The following SEMA3A variants were observed in gnomAD, a reference collection of about 807,000 sequenced individuals.
SEMA3A encodes semaphorin-3A.
A neutral mutation model predicts 97.9 loss-of-function variants in SEMA3A; 29 were observed. That is an observed-to-expected ratio of 0.30 (90% confidence interval 0.22 to 0.40). SEMA3A has a LOEUF of 0.40. SEMA3A is among the 10% of genes least tolerant of loss of function. The probability of loss-of-function intolerance (pLI) is 1.00; values close to 1 mark genes in which losing one functional copy is unlikely to be tolerated. For missense variants in SEMA3A, 763 were observed against 951.3 expected, an observed-to-expected ratio of 0.80 and a Z score of 2.60; for synonymous variants, 321 against 323.7, an observed-to-expected ratio of 0.99 and a Z score of 0.09.
intron 11 of SEMA3A, among the ~76,000 whole-genome samples, chr7:84,002,399 AT>A (rs1790496734): frequency 2.0e-5 from 3 of 152,204 alleles, no homozygotes; most frequent in Admixed American, 6.6e-5. Context: ...ATTTCTAAAA[AT>A]ATCTCCTTAA....
intron 5 of SEMA3A, among the ~76,000 whole-genome samples, chr7:84,055,988 G>T (rs984757983): frequency 3.9e-5 from 6 of 152,108 alleles, no homozygotes; most frequent in Non-Finnish European, 8.8e-5. Context: ...TTAAAAGGTG[G>T]TTGTGAATAC....
At chr7:83,972,882 G>C (rs573193361) in intron 15 of SEMA3A, among the ~76,000 whole-genome samples, 2 of 152,052 alleles carry the variant, frequency 1.3e-5, no homozygotes, top group African/African-American at 4.8e-5. Context: ...TTTTTCCTCA[G>C]CAGAAGACAA....
chr7:84,168,469 C>T (rs1365268797), intron 1 of SEMA3A, among the ~76,000 whole-genome samples: 1 of 151,860 alleles, frequency 6.6e-6, no homozygotes, highest in Non-Finnish European at 1.5e-5. Context: ...ACATGAAAAA[C>T]AGCTAGGTTT....
At chr7:84,095,264 C>T (rs1794725251) in intron 4 of SEMA3A, among the ~76,000 whole-genome samples, 1 of 56,724 alleles carries the variant, frequency 1.8e-5, no homozygotes, top group Non-Finnish European at 5.7e-5. Flanking sequence ...TTATTATATA[C>T]CATTATTATG....
At chr7:84,150,513 G>T (rs1011389941) in intron 1 of SEMA3A, among the ~76,000 whole-genome samples, 1 of 152,178 alleles carries the variant, frequency 6.6e-6, no homozygotes, top group Non-Finnish European at 1.5e-5. Context: ...ACTCCCACCC[G>T]AATACTGTGC....
At chr7:83,979,614 T>A (rs778312026) in intron 14 of SEMA3A, among the ~76,000 whole-genome samples, 3 of 152,184 alleles carry the variant, frequency 2.0e-5, no homozygotes, top group Non-Finnish European at 2.9e-5. Context: ...TATTTTAAAT[T>A]TGAAATTTCG....
At chr7:84,295,226 G>C (rs2115800386) in intron 3 of SEMA3A, among the ~76,000 whole-genome samples, 2 of 151,974 alleles carry the variant, frequency 1.3e-5, no homozygotes, top group South Asian at 4.2e-4. Context: ...ATAAGACAAT[G>C]GTCTCTTGGT....
At chr7:84,162,306 A>G (rs1797060508) in intron 1 of SEMA3A, among the ~76,000 whole-genome samples, 1 of 152,150 alleles carries the variant, frequency 6.6e-6, no homozygotes, top group African/African-American at 2.4e-5. Context: ...TCCTGTGTGT[A>G]CACAATAGTA....
intron 10 of SEMA3A, 46 bp downstream of exon 10, chr7:84,007,307 G>A (rs1533996): frequency 6.8e-7 from 1 of 1,474,788 alleles, no homozygotes; most frequent in South Asian, 1.4e-5. Context: ...TTTGACCTTT[G>A]GCAGAAATAT....
intron 1 of SEMA3A, among the ~76,000 whole-genome samples, chr7:84,163,704 C>T (rs78262668): frequency 0.012 from 1,888 of 151,884 alleles, 50 homozygotes; most frequent in African/African-American, 0.043. Flanking sequence ...TCAGGTTGAC[C>T]AATATTTGGG....
At chr7:84,207,975 T>C (rs1250095905) in intron 3 of SEMA3A, among the ~76,000 whole-genome samples, 1 of 152,206 alleles carries the variant, frequency 6.6e-6, no homozygotes, top group Non-Finnish European at 1.5e-5. Context: ...TATATATGTG[T>C]ATATGCACAC....
At chr7:84,258,143 C>T (rs960701019) in intron 3 of SEMA3A, among the ~76,000 whole-genome samples, 4 of 152,130 alleles carry the variant, frequency 2.6e-5, no homozygotes, top group Admixed American at 1.3e-4. Context: ...ACTGGTTCCC[C>T]TTTCTTCATC....
intron 3 of SEMA3A, among the ~76,000 whole-genome samples, chr7:84,200,346 G>T (rs35912238): frequency 6.6e-6 from 1 of 151,936 alleles, no homozygotes; most frequent in South Asian, 2.1e-4. Context: ...TAATGATGGC[G>T]GTAGAGTGGA....
chr7:84,067,668 A>G (rs1461578076), intron 4 of SEMA3A, among the ~76,000 whole-genome samples: 1 of 152,326 alleles, frequency 6.6e-6, no homozygotes, highest in East Asian at 1.9e-4. Context: ...AAACACATGA[A>G]AAAATGCTCA....
intron 2 of SEMA3A, among the ~76,000 whole-genome samples, chr7:84,328,461 A>G (rs1221837047): frequency 6.6e-6 from 1 of 152,008 alleles, no homozygotes; most frequent in Non-Finnish European, 1.5e-5. Flanking sequence ...GAGACAAAAT[A>G]GACAGTAACT....
chr7:84,217,752 C>A (rs973454363), intron 3 of SEMA3A, among the ~76,000 whole-genome samples: 26 of 148,052 alleles, frequency 1.8e-4, no homozygotes, highest in Non-Finnish European at 3.3e-4. Flanking sequence ...CAGAGTGAGA[C>A]TCTGTCTCTT....
intron 3 of SEMA3A, among the ~76,000 whole-genome samples, chr7:84,203,496 G>A (rs1170082225): frequency 1.2e-5 from 1 of 80,690 alleles, no homozygotes; most frequent in Non-Finnish European, 2.5e-5. Flanking sequence ...ATTTCTTTGT[G>A]TGTGTGTATA....
At chr7:84,373,756 G>A (rs1219776057) in intron 1 of SEMA3A, among the ~76,000 whole-genome samples, 2 of 152,204 alleles carry the variant, frequency 1.3e-5, no homozygotes, top group South Asian at 2.1e-4. Flanking sequence ...TATTGCAGAG[G>A]AAGTTAATAA....
At chr7:84,487,289 G>A (rs1387976794) in intron 1 of SEMA3A, among the ~76,000 whole-genome samples, 1 of 152,088 alleles carries the variant, frequency 6.6e-6, no homozygotes, top group African/African-American at 2.4e-5. Context: ...CATGCAAAGG[G>A]AAGACTGTGA....
Sources: gnomAD v4.1 joint callset for allele counts (sites outside exome capture counted in the v4.1 genomes callset) on GRCh38, gnomAD v4.1.1 for gene constraint, MANE v1.5 for transcripts, NCBI Gene and HGNC (gene_info 2026-07-23, HGNC 2026-07-21) for gene names.